LARS2: variants seen among roughly 807,000 people sequenced by gnomAD.
LARS2 encodes the protein leucine--tRNA ligase, mitochondrial.
LARS2 carries 81 observed loss-of-function variants against 116.6 expected under a neutral mutation model. The observed-to-expected ratio is 0.69, with a 90% CI of 0.58 to 0.84. The LOEUF (loss-of-function observed/expected upper bound fraction) is 0.84, where lower values mean the gene tolerates loss of function less well. Among genes scored for constraint, LARS2 ranks in the 40% least tolerant of loss-of-function variants. LARS2 has a pLI of 0.00. For synonymous variants in LARS2, 396 were observed against 407.2 expected, an observed-to-expected ratio of 0.97 and a Z score of 0.33; for missense variants, 968 against 1,114.5, an observed-to-expected ratio of 0.87 and a Z score of 1.87.
intron 6 of LARS2, among the ~76,000 whole-genome samples, chr3:45,437,186 A>G (rs1164080835): frequency 1.3e-5 from 2 of 152,228 alleles, no homozygotes; most frequent in African/African-American, 4.8e-5. Flanking sequence ...ATGATTTAAG[A>G]ATTTAGCTTT....
rs764962875 is a variant in LARS2 at position 45,457,165 on chromosome 3, A to G, written c.607-1578A>G. 1.0e-3 allele frequency among the ~76,000 whole-genome samples: 159 copies of G among 152,358 alleles called. 1 individual carries two copies. Among genetic ancestry groups the G allele is most frequent in the Non-Finnish European group, 1.7e-3 (116 of 68,032 alleles). On this transcript the variant is annotated intron_variant, in intron 7 of 21. Coordinates refer to ENST00000645846, the MANE Select transcript of LARS2 (RefSeq NM_015340.4). Reference sequence around the variant, plus strand: ...TTTAGCAGCACGGGAGACCTGCCCAACAGAGGTGATGACCTTCACTAGAGG... The same window carrying G: ...TTTAGCAGCACGGGAGACCTGCCCAGCAGAGGTGATGACCTTCACTAGAGG...
At chr3:45,433,489 A>G (rs184419960) in intron 6 of LARS2, among the ~76,000 whole-genome samples, 92 of 152,182 alleles carry the variant, frequency 6.0e-4, no homozygotes, top group African/African-American at 2.2e-3. Flanking sequence ...TTACCAGTTT[A>G]AATAAAGTGT....
chr3:45,519,095 T>A (rs1192135726), intron 18 of LARS2, among the ~76,000 whole-genome samples: 2 of 152,250 alleles, frequency 1.3e-5, no homozygotes, highest in African/African-American at 4.8e-5. Flanking sequence ...CTTAAAGATG[T>A]GTTACTTTTC....
chr3:45,540,947 G>A (rs949757953), intron 20 of LARS2, among the ~76,000 whole-genome samples: 13 of 152,074 alleles, frequency 8.5e-5, no homozygotes, highest in African/African-American at 2.2e-4. Context: ...CACCATGTCC[G>A]GCTAATTTTT....
intron 20 of LARS2, among the ~76,000 whole-genome samples, chr3:45,539,785 C>A (rs1448734458): frequency 6.6e-6 from 1 of 151,984 alleles, no homozygotes; most frequent in Non-Finnish European, 1.5e-5. Flanking sequence ...AAACTAGGGT[C>A]CTATTATATA....
At chr3:45,415,899 A>AGAGAGAGAGTGG (rs1698412877) in intron 4 of LARS2, among the ~76,000 whole-genome samples, 1 of 120,136 alleles carries the variant, frequency 8.3e-6, no homozygotes, top group East Asian at 2.3e-4. Flanking sequence ...AGAGGGAGAG[A>AGAGAGAGAGTGG]GAGAGAGAGA....
intron 19 of LARS2, among the ~76,000 whole-genome samples, chr3:45,520,988 G>A (rs1700443549): frequency 6.6e-6 from 1 of 152,140 alleles, no homozygotes. Context: ...AGGAGTTCAA[G>A]ACCTGCCTGG....
chr3:45,441,023 CTTTTT>C (rs148736694), intron 6 of LARS2, among the ~76,000 whole-genome samples: 6 of 87,114 alleles, frequency 6.9e-5, no homozygotes, highest in Admixed American at 1.3e-4. Flanking sequence ...ATCACACACT[CTTTTT>C]TTTTTTTTTT....
intron 9 of LARS2, 57 bp from the exon 10 acceptor site, chr3:45,476,411 C>T: frequency 6.4e-7 from 1 of 1,574,058 alleles, no homozygotes; most frequent in Non-Finnish European, 8.7e-7. Context: ...AGTTAGGGAG[C>T]AACACAGCCC....
intron 7 of LARS2, among the ~76,000 whole-genome samples, chr3:45,453,033 A>G (rs1169835835): frequency 2.0e-5 from 3 of 151,908 alleles, no homozygotes; most frequent in Non-Finnish European, 2.9e-5. Flanking sequence ...TCTGTCTGTG[A>G]TTTTATTTAT....
chr3:45,436,561 G>A (rs1324790762), intron 6 of LARS2, among the ~76,000 whole-genome samples: 3 of 151,898 alleles, frequency 2.0e-5, no homozygotes, highest in Non-Finnish European at 4.4e-5. Flanking sequence ...TTGGGAGGCC[G>A]AGGCGGGTGG....
At chr3:45,508,999 A>C (rs552567292) in intron 15 of LARS2, among the ~76,000 whole-genome samples, 8 of 152,130 alleles carry the variant, frequency 5.3e-5, no homozygotes, top group Admixed American at 1.3e-4. Context: ...TAAACTAATG[A>C]AGAAATTGTG....
chr3:45,444,073 C>G (rs1698966819), intron 6 of LARS2, among the ~76,000 whole-genome samples: 1 of 149,312 alleles, frequency 6.7e-6, no homozygotes, highest in Admixed American at 6.7e-5. Context: ...GGCGTGATCT[C>G]AGCTCACTGC....
intron 20 of LARS2, among the ~76,000 whole-genome samples, chr3:45,536,154 C>G (rs1700702063): frequency 4.3e-4 from 1 of 2,308 alleles, no homozygotes. Flanking sequence ...CAGGGTCTCA[C>G]TCTGTTGCCC....
At chr3:45,419,930 G>A (rs1698489298) in intron 6 of LARS2, among the ~76,000 whole-genome samples, 1 of 152,184 alleles carries the variant, frequency 6.6e-6, no homozygotes, top group Non-Finnish European at 1.5e-5. Context: ...TAAACTGAGA[G>A]TTAACTTCCT....
intron 6 of LARS2, among the ~76,000 whole-genome samples, chr3:45,426,531 G>A (rs1333383443): frequency 1.3e-5 from 2 of 152,178 alleles, no homozygotes; most frequent in Admixed American, 6.5e-5. Context: ...CTTTGTTTTA[G>A]CTGAAATGAT....
intron 4 of LARS2, among the ~76,000 whole-genome samples, chr3:45,415,805 A>C (rs1698403660): frequency 6.7e-6 from 1 of 148,766 alleles, no homozygotes; most frequent in Admixed American, 6.8e-5. Context: ...CCGAGATTGC[A>C]CCATTGCACT....
chr3:45,486,024 A>G (rs1026530568), intron 11 of LARS2, among the ~76,000 whole-genome samples: 2 of 152,354 alleles, frequency 1.3e-5, no homozygotes, highest in South Asian at 2.1e-4. Flanking sequence ...AATAAGAAGT[A>G]TCTGACCTAC....
intron 19 of LARS2, among the ~76,000 whole-genome samples, chr3:45,520,646 A>G (rs896411521): frequency 1.3e-5 from 2 of 152,172 alleles, no homozygotes; most frequent in Non-Finnish European, 2.9e-5. Context: ...GATTTCATGA[A>G]TGAATTGTGA....
Sources: gnomAD v4.1 joint callset for allele counts (sites outside exome capture counted in the v4.1 genomes callset) on GRCh38, gnomAD v4.1.1 for gene constraint, MANE v1.5 for transcripts, NCBI Gene and HGNC (gene_info 2026-07-23, HGNC 2026-07-21) for gene names.